SHPRH: variants seen among roughly 807,000 people sequenced by gnomAD.
The protein encoded by SHPRH is SNF2 histone linker PHD RING helicase, also known as E3 ubiquitin-protein ligase SHPRH.
SHPRH carries 106 observed loss-of-function variants against 202.5 expected under a neutral mutation model. That is an observed-to-expected ratio of 0.52 (90% CI 0.45 to 0.62). The LOEUF (loss-of-function observed/expected upper bound fraction) is 0.62. Ranked by LOEUF, SHPRH falls within the 20% of genes least tolerant of loss-of-function variation. The probability of loss-of-function intolerance (pLI) is 0.00; values close to 1 mark genes in which losing one functional copy is unlikely to be tolerated. For missense variants in SHPRH, 1,710 were observed against 2,020.0 expected (o/e 0.85, Z 2.94); for synonymous variants, 729 against 686.0 (o/e 1.06, Z -0.98).
At chr6:145,880,238 T>C (rs183155415), downstream of SHPRH, among the ~76,000 whole-genome samples, 1 of 152,258 alleles carries the variant, frequency 6.6e-6, no homozygotes, top group Admixed American at 6.5e-5. Flanking sequence ...ACTTTTTGAC[T>C]GAAAAAATTG....
At chr6:145,929,168 A>T (rs910129212) in intron 14 of SHPRH, among the ~76,000 whole-genome samples, 13 of 150,632 alleles carry the variant, frequency 8.6e-5, no homozygotes, top group South Asian at 2.1e-4. Flanking sequence ...GAGGAAGATT[A>T]AAAAAAAACC....
At chr6:145,904,452 C>G (rs1314731878) in intron 25 of SHPRH, 1 of 152,020 alleles carries the variant, frequency 6.6e-6, no homozygotes, top group Admixed American at 6.6e-5. Context: ...TATTTACATA[C>G]TAATCCAAAA....
intron 2 of SHPRH, among the ~76,000 whole-genome samples, chr6:145,874,377 A>AT (rs1170089094): frequency 1.3e-5 from 2 of 152,138 alleles, no homozygotes; most frequent in Admixed American, 1.3e-4. Flanking sequence ...AAGAACAATG[A>AT]AAGTGAGTTC....
chr6:145,873,502 G>C (rs1321154997), intron 2 of SHPRH, among the ~76,000 whole-genome samples: 1 of 152,054 alleles, frequency 6.6e-6, no homozygotes, highest in Non-Finnish European at 1.5e-5. Context: ...GACTTTACTG[G>C]TTATGACCTT....
chr6:145,954,480 A>G (rs1352365453), intron 2 of SHPRH, among the ~76,000 whole-genome samples: 1 of 152,150 alleles, frequency 6.6e-6, no homozygotes, highest in African/African-American at 2.4e-5. Context: ...CAAGTCACTG[A>G]AAGTAGAGAT....
At chr6:145,858,155 G>A in the SHPRH span, among the ~76,000 whole-genome samples, 1 of 152,042 alleles carries the variant, frequency 6.6e-6, no homozygotes, top group South Asian at 2.1e-4. Flanking sequence ...AAACAGTTTA[G>A]CAATTTCTTA....
At chr6:145,902,837 A>C (rs986583082) in intron 25 of SHPRH, among the ~76,000 whole-genome samples, 1 of 152,136 alleles carries the variant, frequency 6.6e-6, no homozygotes, top group Non-Finnish European at 1.5e-5. Context: ...AATAGTGAAT[A>C]AAACAACATC....
In SHPRH at chr6:145,954,160, A is replaced by C. The variant is rs562272860; in HGVS notation, c.633+530T>G. Among the ~76,000 whole-genome samples, 61 of 152,014 alleles carry C rather than the reference A, an allele frequency of 4.0e-4. No individual in the cohort carries two copies. The South Asian group carries it at 9.8e-3, about 24-fold the overall frequency. On this transcript the variant is annotated intron_variant, in intron 2 of 29. Transcript: ENST00000275233. ...GGGAACAACTCAAGCAGAAGGAACTATAAGAACAAAAGCAAAGACGCAGAA... is the reference window on the plus strand; with the variant it reads ...GGGAACAACTCAAGCAGAAGGAACTCTAAGAACAAAAGCAAAGACGCAGAA...
intron 2 of SHPRH, among the ~76,000 whole-genome samples, chr6:145,873,430 C>A (rs1043283908): frequency 6.6e-6 from 1 of 152,166 alleles, no homozygotes; most frequent in African/African-American, 2.4e-5. Context: ...TATTCTTACA[C>A]TATCAATTGA....
chr6:145,919,159 G>C (rs1396962253), intron 22 of SHPRH, 189 bp downstream of exon 22: 1 of 658,664 alleles, frequency 1.5e-6, no homozygotes, highest in Non-Finnish European at 2.5e-6. Context: ...GCATGTAATA[G>C]ATATGAAATT....
At chr6:145,869,867 CAT>C in intron 2 of SHPRH, among the ~76,000 whole-genome samples, 1 of 129,042 alleles carries the variant, frequency 7.7e-6, no homozygotes, top group East Asian at 2.3e-4. Flanking sequence ...TTAGTTTGTT[CAT>C]AGTCACAAAA....
At chr6:145,959,709 A>G (rs1788894900) in intron 1 of SHPRH, among the ~76,000 whole-genome samples, 1 of 152,234 alleles carries the variant, frequency 6.6e-6, no homozygotes, top group Non-Finnish European at 1.5e-5. Flanking sequence ...CATTCACATA[A>G]TTGCAAAAAG....
intron 11 of SHPRH, among the ~76,000 whole-genome samples, chr6:145,937,986 A>C (rs1786301908): frequency 6.6e-6 from 1 of 152,184 alleles, no homozygotes; most frequent in East Asian, 1.9e-4. Context: ...CTAAGTATTT[A>C]AGAAACATTT....
rs572573201 is a variant in SHPRH, at chr6:145,922,535, ATC to A, written c.3719+126_3719+127del. The A allele has an allele frequency of 1.0e-5, 13 of 1,259,230 alleles. No individual in the cohort carries two copies. The South Asian group carries it at 1.1e-4, about 11-fold the overall frequency. 78.0% of individuals were successfully genotyped at this position (1,259,230 alleles called of 1,614,324 possible). On this transcript the variant is annotated intron_variant, in intron 19 of 29. Coordinates refer to ENST00000275233, the MANE Select transcript of SHPRH (RefSeq NM_001042683.3). ...ATTTTTCTTTAAATTAGATTAATAC[ATC>A]TCTTTCTACTTCTGTCTCAATTAAA...
At position 145,940,862 on chromosome 6, in the gene SHPRH, A is replaced by C. The variant is rs1464740497; in HGVS notation, c.2491-61T>G. ...CAGAAAACCACAGAAAGAACACAGA[A>C]GTCAGGCATACTCATGAAAAACAGC... On this transcript the variant is annotated intron_variant, in intron 10 of 29. Transcript: ENST00000275233. 7 of 1,555,382 alleles carry C rather than the reference A, an allele frequency of 4.5e-6. No individual in the cohort carries two copies. In the Admixed American group the frequency reaches 1.2e-4, roughly 27 times the overall value.
intron 25 of SHPRH, among the ~76,000 whole-genome samples, chr6:145,895,285 T>C (rs1165449434): frequency 6.6e-6 from 1 of 152,074 alleles, no homozygotes; most frequent in South Asian, 2.1e-4. Context: ...TTACAAAATT[T>C]TGTTACATTA....
intron 14 of SHPRH, among the ~76,000 whole-genome samples, chr6:145,931,139 T>C (rs973557934): frequency 1.3e-5 from 2 of 152,130 alleles, no homozygotes; most frequent in African/African-American, 4.8e-5. Flanking sequence ...AGTAGGTTTC[T>C]TATAGAGAAC....
intron 2 of SHPRH, among the ~76,000 whole-genome samples, chr6:145,879,036 A>G (rs1780433124): frequency 6.6e-6 from 1 of 152,204 alleles, no homozygotes; most frequent in South Asian, 2.1e-4. Context: ...TTTAAATATG[A>G]AACAGATGGG....
rs760410273 is a variant in SHPRH, at chr6:145,919,414, T to C, written c.4086A>G (p.Leu1362=). 12 of 1,613,134 alleles carry C rather than the reference T, an allele frequency of 7.4e-6. No individual in the cohort carries two copies. In the African/African-American group the frequency reaches 1.6e-4, roughly 22 times the overall value. Residue 1362 remains leucine, a synonymous_variant, in exon 22 of 30, where the codon CTA becomes CTG. Transcript: ENST00000275233. The part of the protein sequence containing the change: ...VDELAMATER[L]RVRDPREPKP... ...TTGGCTCCCTAGGATCACGCACTCT[T>C]AGTCGTTCTGTAGCCATTGCAAGTT... is the stretch of plus-strand genomic sequence containing the variant.
Sources: allele counts gnomAD v4.1 joint callset (sites outside exome capture counted in the v4.1 genomes callset), GRCh38; gene constraint gnomAD v4.1.1; transcripts MANE v1.5; gene names NCBI Gene and HGNC (gene_info 2026-07-23, HGNC 2026-07-21).